The following AUTS2 variants were observed in gnomAD, a reference collection of about 807,000 sequenced individuals.
The protein encoded by AUTS2 is activator of transcription and developmental regulator AUTS2.
In AUTS2, 17 loss-of-function variants were observed where a neutral mutation model predicts 112.4. The observed-to-expected ratio is 0.15, with a 90% CI of 0.10 to 0.23. The LOEUF (loss-of-function observed/expected upper bound fraction) is 0.23, where lower values mean the gene tolerates loss of function less well. Ranked by LOEUF, AUTS2 falls within the 10% of genes least tolerant of loss-of-function variation. AUTS2 has a pLI of 1.00. For missense variants in AUTS2, 1,510 were observed against 1,701.6 expected (o/e 0.89, Z 1.98); for synonymous variants, 751 against 702.7 (o/e 1.07, Z -1.09).
chr7:69,673,929 A>G (rs753419802), intron 1 of AUTS2, among the ~76,000 whole-genome samples: 7 of 152,244 alleles, frequency 4.6e-5, no homozygotes, highest in Non-Finnish European at 8.8e-5. Flanking sequence ...TTTTCTTCAT[A>G]GATGCTTTAA....
intron 2 of AUTS2, among the ~76,000 whole-genome samples, chr7:70,101,195 G>A (rs1804473423): frequency 6.6e-6 from 1 of 151,990 alleles, no homozygotes; most frequent in African/African-American, 2.4e-5. Flanking sequence ...GGTTTTAAGA[G>A]TTCAAGCTAG....
chr7:69,960,213 A>G (rs1381001495), intron 2 of AUTS2, among the ~76,000 whole-genome samples: 2 of 152,186 alleles, frequency 1.3e-5, no homozygotes, highest in Non-Finnish European at 2.9e-5. Context: ...AAAAGTATAT[A>G]CAGCTATAAT....
At chr7:69,710,521 C>A (rs542719180) in intron 1 of AUTS2, among the ~76,000 whole-genome samples, 1 of 152,186 alleles carries the variant, frequency 6.6e-6, no homozygotes, top group Non-Finnish European at 1.5e-5. Flanking sequence ...GAGTACCTAT[C>A]TTTATGAGTA....
intron 5 of AUTS2, among the ~76,000 whole-genome samples, chr7:70,658,807 C>T (rs1374361277): frequency 6.6e-6 from 1 of 152,150 alleles, no homozygotes; most frequent in African/African-American, 2.4e-5. Flanking sequence ...TGGAGAAATC[C>T]GTCATGGATA....
intron 2 of AUTS2, among the ~76,000 whole-genome samples, chr7:70,043,546 TCC>T (rs1801339857): frequency 8.1e-6 from 1 of 122,794 alleles, no homozygotes; most frequent in Non-Finnish European, 1.7e-5. Flanking sequence ...CCTCCTTCCC[TCC>T]CTTCCTTCCT....
At chr7:70,730,082 C>T (rs1461411549) in intron 6 of AUTS2, among the ~76,000 whole-genome samples, 1 of 152,144 alleles carries the variant, frequency 6.6e-6, no homozygotes, top group Non-Finnish European at 1.5e-5. Flanking sequence ...TGGAGTTTCA[C>T]TCTGTTGGCT....
At chr7:70,511,205 A>G (rs374116126) in intron 5 of AUTS2, among the ~76,000 whole-genome samples, 2 of 152,228 alleles carry the variant, frequency 1.3e-5, no homozygotes, top group Non-Finnish European at 1.5e-5. Flanking sequence ...AAAAAATTTA[A>G]GAGTATAAAG....
intron 2 of AUTS2, among the ~76,000 whole-genome samples, chr7:70,091,585 G>A (rs1282664019): frequency 6.6e-6 from 1 of 152,010 alleles, no homozygotes; most frequent in Admixed American, 6.6e-5. Context: ...GTAAACTCTG[G>A]GATTGCTGAG....
chr7:69,719,785 G>A (rs1337163098), intron 1 of AUTS2, among the ~76,000 whole-genome samples: 1 of 152,194 alleles, frequency 6.6e-6, no homozygotes, highest in African/African-American at 2.4e-5. Context: ...TTCATTGGAT[G>A]TAAGGCATCA....
At chr7:70,540,675 A>G (rs976162626) in intron 5 of AUTS2, among the ~76,000 whole-genome samples, 8 of 152,186 alleles carry the variant, frequency 5.3e-5, no homozygotes, top group Non-Finnish European at 1.5e-5. Context: ...AGTACCCTGT[A>G]GTGAGGCTTA....
At chr7:70,757,807 C>CTT (rs3974412) in intron 6 of AUTS2, among the ~76,000 whole-genome samples, 19,162 of 60,162 alleles carry the variant, frequency 0.32, 3,174 homozygotes, top group East Asian at 0.39. Flanking sequence ...TCCATGGCTT[C>CTT]TTTTTTTTTT....
At chr7:70,400,788 A>G (rs1054697798) in intron 4 of AUTS2, among the ~76,000 whole-genome samples, 2 of 152,190 alleles carry the variant, frequency 1.3e-5, no homozygotes, top group Non-Finnish European at 2.9e-5. Context: ...GCTTGTTAAA[A>G]AATACATATA....
At chr7:70,484,527 C>G (rs151198982) in intron 5 of AUTS2, among the ~76,000 whole-genome samples, 1 of 152,222 alleles carries the variant, frequency 6.6e-6, no homozygotes, top group African/African-American at 2.4e-5. Flanking sequence ...CATTCTTAGA[C>G]AAGCTAGTTA....
chr7:70,066,202 A>G (rs1802483458), intron 2 of AUTS2, among the ~76,000 whole-genome samples: 1 of 152,232 alleles, frequency 6.6e-6, no homozygotes, highest in Non-Finnish European at 1.5e-5. Flanking sequence ...TTATTTTCAA[A>G]GCACATTCCT....
intron 1 of AUTS2, among the ~76,000 whole-genome samples, chr7:69,828,921 T>G (rs568219837): frequency 1.3e-5 from 2 of 152,304 alleles, no homozygotes; most frequent in East Asian, 3.9e-4. Context: ...GAACTTGTAT[T>G]TCTTCTTATT....
intron 2 of AUTS2, among the ~76,000 whole-genome samples, chr7:69,947,956 A>AT (rs1365396347): frequency 6.6e-6 from 1 of 152,160 alleles, no homozygotes; most frequent in African/African-American, 2.4e-5. Flanking sequence ...AAAGCTTCCC[A>AT]TTTTATAAAG....
intron 4 of AUTS2, among the ~76,000 whole-genome samples, chr7:70,398,799 G>A (rs1460582140): frequency 6.6e-6 from 1 of 152,080 alleles, no homozygotes; most frequent in Non-Finnish European, 1.5e-5. Flanking sequence ...TAGGGCAAAA[G>A]CATTCAGTTG....
At chr7:69,834,175 C>T (rs912208120) in intron 1 of AUTS2, among the ~76,000 whole-genome samples, 4 of 152,102 alleles carry the variant, frequency 2.6e-5, no homozygotes, top group South Asian at 2.1e-4. Flanking sequence ...GGCTGGCTAG[C>T]GTCATCACAT....
intron 1 of AUTS2, among the ~76,000 whole-genome samples, chr7:69,889,430 T>C (rs1437463589): frequency 6.6e-6 from 1 of 152,238 alleles, no homozygotes; most frequent in Non-Finnish European, 1.5e-5. Context: ...TTCAACTTAC[T>C]TTACCATCAG....
Sources: gnomAD v4.1 joint callset for allele counts (sites outside exome capture counted in the v4.1 genomes callset) on GRCh38, gnomAD v4.1.1 for gene constraint, MANE v1.5 for transcripts, NCBI Gene and HGNC (gene_info 2026-07-23, HGNC 2026-07-21) for gene names.